CDH12: variants seen among roughly 807,000 people sequenced by gnomAD.
The protein encoded by CDH12 is cadherin 12.
CDH12 carries 41 observed loss-of-function variants against 74.1 expected under a neutral mutation model. That is an observed-to-expected ratio of 0.55 (90% CI 0.43 to 0.72). The LOEUF (loss-of-function observed/expected upper bound fraction) is 0.72, where lower values mean the gene tolerates loss of function less well. Among genes scored for constraint, CDH12 ranks in the 30% least tolerant of loss-of-function variants. The pLI, the probability that CDH12 is intolerant of heterozygous loss-of-function variation, is 0.00. For missense variants in CDH12, 945 were observed against 977.2 expected, an observed-to-expected ratio of 0.97 and a Z score of 0.44; for synonymous variants, 399 against 355.0, an observed-to-expected ratio of 1.12 and a Z score of -1.39.
chr5:21,871,592 G>T (rs1343721492), intron 6 of CDH12, among the ~76,000 whole-genome samples: 1 of 152,082 alleles, frequency 6.6e-6, no homozygotes, highest in African/African-American at 2.4e-5. Flanking sequence ...AATTAGCTGG[G>T]CGTGGTGGCA....
chr5:22,165,701 G>C (rs1561181411), intron 4 of CDH12, among the ~76,000 whole-genome samples: 1 of 152,188 alleles, frequency 6.6e-6, no homozygotes, highest in Admixed American at 6.5e-5. Context: ...CAGAAGATGA[G>C]ATAGGAGGTC....
intron 4 of CDH12, among the ~76,000 whole-genome samples, chr5:22,111,799 C>G (rs549621142): frequency 6.6e-6 from 1 of 152,186 alleles, no homozygotes; most frequent in South Asian, 2.1e-4. Flanking sequence ...AAAGTTCTTA[C>G]AAAGCCATCA....
intron 1 of CDH12, among the ~76,000 whole-genome samples, chr5:22,843,141 A>G (rs915852909): frequency 6.6e-6 from 1 of 152,128 alleles, no homozygotes. Flanking sequence ...CGTTAAAGTT[A>G]TTAATCATAG....
intron 6 of CDH12, among the ~76,000 whole-genome samples, chr5:21,888,774 T>C (rs926439496): frequency 5.3e-5 from 8 of 152,020 alleles, no homozygotes; most frequent in African/African-American, 1.9e-4. Context: ...TTTAACAATA[T>C]ATATTGATAA....
chr5:21,789,665 G>A (rs767145943), intron 10 of CDH12, among the ~76,000 whole-genome samples: 4 of 152,016 alleles, frequency 2.6e-5, no homozygotes, highest in Non-Finnish European at 5.9e-5. Context: ...TAACTTGCAT[G>A]ATATTTTTCA....
chr5:21,780,784 A>G (rs1415430122), intron 11 of CDH12, among the ~76,000 whole-genome samples: 2 of 152,160 alleles, frequency 1.3e-5, no homozygotes, highest in African/African-American at 4.8e-5. Context: ...ATTATTTCTC[A>G]AAGATCTTAT....
intron 11 of CDH12, among the ~76,000 whole-genome samples, chr5:21,776,732 T>C (rs2149890276): frequency 6.6e-6 from 1 of 152,314 alleles, no homozygotes; most frequent in Non-Finnish European, 1.5e-5. Flanking sequence ...GAAAGTCTTA[T>C]TCCTTCCCAC....
intron 2 of CDH12, among the ~76,000 whole-genome samples, chr5:22,430,739 T>C (rs1003779884): frequency 1.3e-5 from 2 of 152,184 alleles, no homozygotes; most frequent in African/African-American, 4.8e-5. Flanking sequence ...GCCAATGAAA[T>C]TGCTTACTCT....
chr5:22,058,215 C>A (rs1008354564), intron 5 of CDH12, among the ~76,000 whole-genome samples: 2 of 152,012 alleles, frequency 1.3e-5, no homozygotes, highest in African/African-American at 4.8e-5. Context: ...CGCCTCCATG[C>A]CCAGGTAATT....
chr5:22,389,912 C>T (rs1487336852), intron 3 of CDH12, among the ~76,000 whole-genome samples: 2 of 151,676 alleles, frequency 1.3e-5, no homozygotes, highest in Admixed American at 1.3e-4. Flanking sequence ...TCTCCCAAAG[C>T]GCTGGGATTA....
At chr5:22,591,129 C>T (rs1736294469) in intron 1 of CDH12, among the ~76,000 whole-genome samples, 1 of 152,118 alleles carries the variant, frequency 6.6e-6, no homozygotes, top group Admixed American at 6.6e-5. Context: ...CTCCCCCTTA[C>T]CTAAATGCAG....
rs542191015 is a variant in CDH12, at chr5:22,338,555, A to C, written c.-333+66702T>G. ...ATAGCCAATAATAATTTAATTGTAC[A>C]TTTAAAAATAACTAAAAGTTTTTTT... On this transcript the variant is annotated intron_variant, in intron 3 of 14. Coordinates refer to ENST00000382254, the MANE Select transcript of CDH12 (RefSeq NM_004061.5). Among the ~76,000 whole-genome samples, 86 of 152,270 alleles carry C rather than the reference A, an allele frequency of 5.6e-4. 1 individual carries two copies. The South Asian group carries it at 0.017, about 31-fold the overall frequency.
intron 2 of CDH12, among the ~76,000 whole-genome samples, chr5:22,423,951 C>G (rs774572222): frequency 1.5e-5 from 2 of 133,202 alleles, no homozygotes; most frequent in African/African-American, 2.9e-5. Flanking sequence ...TGCAGTGAGC[C>G]GAGATCCCGC....
At position 22,559,628 on chromosome 5, in the gene CDH12, T is replaced by G. The variant is rs1003573348; in HGVS notation, c.-522-54264A>C. Among the ~76,000 whole-genome samples the G allele has an allele frequency of 2.0e-5, 3 of 152,240 alleles. No individual in the cohort carries two copies. The South Asian group carries it at 6.2e-4, about 32-fold the overall frequency. On this transcript the variant is annotated intron_variant, in intron 1 of 14. Coordinates refer to ENST00000382254, the MANE Select transcript of CDH12 (RefSeq NM_004061.5). ...TATCTCTTTTTAATTGTTTGTAATA[T>G]GTAACAAGGATCAATTTTCATGTTT...
chr5:22,635,086 A>G (rs933197892), intron 1 of CDH12, among the ~76,000 whole-genome samples: 5 of 152,112 alleles, frequency 3.3e-5, no homozygotes, highest in Non-Finnish European at 5.9e-5. Flanking sequence ...CACATTTCCA[A>G]TTTCACAATT....
At chr5:21,961,283 C>T (rs1402156011) in intron 6 of CDH12, among the ~76,000 whole-genome samples, 2 of 151,974 alleles carry the variant, frequency 1.3e-5, no homozygotes, top group Non-Finnish European at 2.9e-5. Context: ...TTTATCATTC[C>T]ATCTCTGATA....
intron 2 of CDH12, among the ~76,000 whole-genome samples, chr5:22,421,211 T>A (rs1291759812): frequency 6.6e-6 from 1 of 152,160 alleles, no homozygotes; most frequent in South Asian, 2.1e-4. Context: ...TATTATACTT[T>A]AAGTTCTGGG....
At chr5:22,434,499 C>A (rs1744300463) in intron 2 of CDH12, among the ~76,000 whole-genome samples, 1 of 151,918 alleles carries the variant, frequency 6.6e-6, no homozygotes, top group Admixed American at 6.6e-5. Context: ...ATATTATATC[C>A]AAAATGGAGT....
intron 3 of CDH12, among the ~76,000 whole-genome samples, chr5:22,404,061 T>C (rs534733588): frequency 2.6e-5 from 4 of 152,294 alleles, no homozygotes; most frequent in African/African-American, 4.8e-5. Context: ...GCAATTGTAG[T>C]ATTCTTCACA....
Sources: allele counts gnomAD v4.1 joint callset (sites outside exome capture counted in the v4.1 genomes callset), GRCh38; gene constraint gnomAD v4.1.1; transcripts MANE v1.5; gene names NCBI Gene and HGNC (gene_info 2026-07-23, HGNC 2026-07-21).